Variants in PTPRD observed in about 807,000 individuals in gnomAD.
PTPRD encodes receptor-type tyrosine-protein phosphatase delta.
A neutral mutation model predicts 214.5 loss-of-function variants in PTPRD; 34 were observed. That is an observed-to-expected ratio of 0.16 (90% CI 0.12 to 0.21). The LOEUF (loss-of-function observed/expected upper bound fraction) is 0.21. Among genes scored for constraint, PTPRD ranks in the 10% least tolerant of loss-of-function variants. PTPRD has a pLI of 1.00. For missense variants in PTPRD, 2,545 were observed against 2,398.7 expected (o/e 1.06, Z -1.27); for synonymous variants, 1,128 against 845.7 (o/e 1.33, Z -5.79).
At chr9:10,281,661 G>A (rs1450807791) in intron 3 of PTPRD, among the ~76,000 whole-genome samples, 1 of 152,152 alleles carries the variant, frequency 6.6e-6, no homozygotes, top group Non-Finnish European at 1.5e-5. Flanking sequence ...CCATACATAT[G>A]TAACAAGTTC....
intron 14 of PTPRD, among the ~76,000 whole-genome samples, chr9:8,609,997 C>G (rs2095384928): frequency 6.6e-6 from 1 of 152,112 alleles, no homozygotes; most frequent in Non-Finnish European, 1.5e-5. Context: ...CTCAGGCTCC[C>G]TATTAGTAAA....
chr9:9,332,415 A>G (rs937491557), intron 9 of PTPRD, among the ~76,000 whole-genome samples: 2 of 152,042 alleles, frequency 1.3e-5, no homozygotes, highest in African/African-American at 2.4e-5. Context: ...GTTGCTATCA[A>G]TAACTAAAAA....
At position 9,973,787 on chromosome 9, in the gene PTPRD, A is replaced by G. The variant is rs1190368662; in HGVS notation, c.-471-35177T>C. 2.0e-5 allele frequency among the ~76,000 whole-genome samples: 3 copies of G among 151,330 alleles called. No individual in the cohort carries two copies. In the South Asian group the frequency reaches 6.2e-4, roughly 31 times the overall value. On this transcript the variant is annotated intron_variant, in intron 4 of 45. Coordinates refer to ENST00000381196, the MANE Select transcript of PTPRD (RefSeq NM_002839.4). ...ACAGAGTAAGGAGTCTTTTTTTTTC[A>G]TTTATATTTTTATTTGTATTTTATT... is the stretch of plus-strand genomic sequence containing the variant.
intron 12 of PTPRD, among the ~76,000 whole-genome samples, chr9:8,664,052 G>A (rs1565103824): frequency 6.6e-6 from 1 of 152,016 alleles, no homozygotes; most frequent in Non-Finnish European, 1.5e-5. Context: ...CTACCATGTC[G>A]AGAGGATATT....
intron 3 of PTPRD, among the ~76,000 whole-genome samples, chr9:10,249,757 A>G (rs1017959845): frequency 6.6e-6 from 1 of 152,170 alleles, no homozygotes; most frequent in Non-Finnish European, 1.5e-5. Context: ...GTTGTCTTGC[A>G]TTTTAAGGTC....
intron 35 of PTPRD, among the ~76,000 whole-genome samples, chr9:8,435,761 T>A (rs140650464): frequency 6.6e-6 from 1 of 151,852 alleles, no homozygotes; most frequent in Admixed American, 6.6e-5. Flanking sequence ...AGGCTTTTAA[T>A]TTACCTCCAT....
intron 2 of PTPRD, among the ~76,000 whole-genome samples, chr9:10,592,517 G>T (rs1451444922): frequency 6.6e-6 from 1 of 151,952 alleles, no homozygotes; most frequent in Non-Finnish European, 1.5e-5. Flanking sequence ...AGCCATGTCA[G>T]TTATAGGTGG....
At chr9:9,622,806 A>T (rs925538571) in intron 7 of PTPRD, among the ~76,000 whole-genome samples, 6 of 152,236 alleles carry the variant, frequency 3.9e-5, no homozygotes, top group African/African-American at 1.2e-4. Context: ...CAGGAATCTC[A>T]CAACAGGGGT....
At chr9:9,331,054 T>G (rs1466012839) in intron 9 of PTPRD, among the ~76,000 whole-genome samples, 1 of 151,824 alleles carries the variant, frequency 6.6e-6, no homozygotes, top group Admixed American at 6.6e-5. Flanking sequence ...CAGATAAGAG[T>G]CTAAGCAAAC....
At chr9:9,898,643 G>A (rs1361796739) in intron 5 of PTPRD, among the ~76,000 whole-genome samples, 1 of 152,052 alleles carries the variant, frequency 6.6e-6, no homozygotes, top group Non-Finnish European at 1.5e-5. Flanking sequence ...TGTTGTGGTT[G>A]TATAATGTCA....
intron 8 of PTPRD, among the ~76,000 whole-genome samples, chr9:9,562,348 C>T (rs1229443890): frequency 6.6e-6 from 1 of 152,056 alleles, no homozygotes; most frequent in African/African-American, 2.4e-5. Flanking sequence ...GGATGAAGCC[C>T]CTATTATTTC....
intron 2 of PTPRD, among the ~76,000 whole-genome samples, chr9:10,582,428 TCTC>T (rs2072242681): frequency 1.3e-5 from 2 of 152,324 alleles, no homozygotes; most frequent in Admixed American, 1.3e-4. Context: ...ATGTTAAAGT[TCTC>T]CTCAAATCCA....
In PTPRD at chr9:8,376,617, G is replaced by A. The variant is rs775326809; in HGVS notation, c.4496C>T (p.Ala1499Val). The A allele has an allele frequency of 2.5e-6, 4 of 1,612,846 alleles. No homozygotes were observed. Among genetic ancestry groups the A allele is most frequent in the Admixed American group, 1.7e-5 (1 of 59,882 alleles). Residue 1499 changes from alanine (A) to valine (V), a missense_variant, in exon 38 of 46, where the codon GCA becomes GTA. Coordinates refer to ENST00000381196, the MANE Select transcript of PTPRD (RefSeq NM_002839.4). Reference sequence around the variant, plus strand: ...AGATGAAAAGCAAACCTTGTAAAGTGCAAATGTTCGAACACAATATGTGGC... The same window carrying A: ...AGATGAAAAGCAAACCTTGTAAAGTACAAATGTTCGAACACAATATGTGGC... ...ELATYCVRTF[A>V]LYKNGSSEKR...
At chr9:10,294,070 C>G (rs1401708037) in intron 3 of PTPRD, among the ~76,000 whole-genome samples, 1 of 151,908 alleles carries the variant, frequency 6.6e-6, no homozygotes, top group African/African-American at 2.4e-5. Context: ...GTTCTATCGA[C>G]ATTATTGCAA....
chr9:8,354,823 C>G (rs1318677041), intron 39 of PTPRD, among the ~76,000 whole-genome samples: 1 of 152,158 alleles, frequency 6.6e-6, no homozygotes, highest in Admixed American at 6.5e-5. Flanking sequence ...ACCCAAGGTC[C>G]ACGATTCTAT....
At chr9:10,414,285 C>A in intron 2 of PTPRD, among the ~76,000 whole-genome samples, 1 of 151,484 alleles carries the variant, frequency 6.6e-6, no homozygotes, top group Non-Finnish European at 1.5e-5. Flanking sequence ...AGACAAATTA[C>A]CTGAACACTT....
At chr9:9,780,164 C>T (rs1009416702) in intron 5 of PTPRD, among the ~76,000 whole-genome samples, 1 of 151,996 alleles carries the variant, frequency 6.6e-6, no homozygotes, top group East Asian at 1.9e-4. Flanking sequence ...AACAAGAAAG[C>T]CAAATATTGC....
At chr9:9,523,594 T>C (rs1049793350) in intron 8 of PTPRD, among the ~76,000 whole-genome samples, 1 of 152,164 alleles carries the variant, frequency 6.6e-6, no homozygotes, top group Non-Finnish European at 1.5e-5. Context: ...GCTTCTGCTT[T>C]CACTGAAACT....
chr9:9,777,820 T>C (rs929528766), intron 5 of PTPRD, among the ~76,000 whole-genome samples: 2 of 152,194 alleles, frequency 1.3e-5, no homozygotes, highest in Non-Finnish European at 2.9e-5. Context: ...AATGCATAAA[T>C]TGTAAATTTC....
Sources: gnomAD v4.1 joint callset for allele counts (sites outside exome capture counted in the v4.1 genomes callset) on GRCh38, gnomAD v4.1.1 for gene constraint, MANE v1.5 for transcripts, NCBI Gene and HGNC (gene_info 2026-07-23, HGNC 2026-07-21) for gene names.